Variants in KDM7A observed in about 807,000 individuals in gnomAD.
KDM7A encodes lysine-specific demethylase 7A.
In KDM7A, 28 loss-of-function variants were observed where a neutral mutation model predicts 114.8. That is an observed-to-expected ratio of 0.24 (90% CI 0.18 to 0.33). The LOEUF (loss-of-function observed/expected upper bound fraction) is 0.33, where lower values mean the gene tolerates loss of function less well. Ranked by LOEUF, KDM7A falls within the 10% of genes least tolerant of loss-of-function variation. The pLI, the probability that KDM7A is intolerant of heterozygous loss-of-function variation, is 1.00. For synonymous variants in KDM7A, 423 were observed against 397.8 expected (o/e 1.06, Z -0.75); for missense variants, 942 against 1,142.5 (o/e 0.82, Z 2.53).
intron 1 of KDM7A, among the ~76,000 whole-genome samples, chr7:140,154,499 T>TAAAAAAAAAA: frequency 1.3e-5 from 1 of 74,288 alleles, no homozygotes; most frequent in African/African-American, 4.8e-5. Flanking sequence ...CTCTTAAAAT[T>TAAAAAAAAAA]AAAAAAAAAA....
At chr7:140,174,121 G>A (rs1302164861) in intron 1 of KDM7A, among the ~76,000 whole-genome samples, 5 of 149,666 alleles carry the variant, frequency 3.3e-5, no homozygotes, top group Admixed American at 2.0e-4. Context: ...CAGAGATGGC[G>A]CCACTGCACT....
chr7:140,171,491 T>C lies in KDM7A; in HGVS notation c.194+5253A>G, dbSNP rs549599426. Among the ~76,000 whole-genome samples the C allele has an allele frequency of 2.0e-3, 277 of 136,348 alleles. 2 individuals carry two copies. In the East Asian group the frequency reaches 0.026, roughly 13 times the overall value. The allele number at this position is 136,348 out of a possible 152,430, so 89.4% of individuals were successfully genotyped here. On this transcript the variant is annotated intron_variant, in intron 1 of 19. Coordinates refer to ENST00000397560, the MANE Select transcript of KDM7A (RefSeq NM_030647.2). ...TCAAAAATATATATTTATATTTATA[T>C]TTATATACATATTTTATATATATTT...
intron 9 of KDM7A, among the ~76,000 whole-genome samples, chr7:140,117,338 G>A (rs1021174563): frequency 6.6e-6 from 1 of 152,100 alleles, no homozygotes; most frequent in African/African-American, 2.4e-5. Context: ...TTGCTCCTGT[G>A]GCTTCACGAG....
At chr7:140,157,992 AAATAATAAT>A (rs141893583) in intron 1 of KDM7A, among the ~76,000 whole-genome samples, 6 of 146,442 alleles carry the variant, frequency 4.1e-5, no homozygotes, top group Admixed American at 1.4e-4. Flanking sequence ...ATAAATAAAT[AAATAATAAT>A]AATAATAATA....
chr7:140,145,790 C>A (rs777657791), intron 1 of KDM7A, among the ~76,000 whole-genome samples: 11 of 151,850 alleles, frequency 7.2e-5, no homozygotes, highest in Non-Finnish European at 1.2e-4. Context: ...ACTGTGACAC[C>A]AAAAGAATTA....
intron 1 of KDM7A, among the ~76,000 whole-genome samples, chr7:140,143,408 A>G (rs913246816): frequency 6.6e-6 from 1 of 152,148 alleles, no homozygotes; most frequent in Admixed American, 6.5e-5. Flanking sequence ...ACATGGGTGT[A>G]TATTTTATAA....
chr7:140,106,370 T>G (rs995861579), intron 11 of KDM7A, among the ~76,000 whole-genome samples: 2 of 152,330 alleles, frequency 1.3e-5, no homozygotes, highest in Non-Finnish European at 2.9e-5. Context: ...TTCTTTTAAT[T>G]GTGATGTTAG....
intron 1 of KDM7A, among the ~76,000 whole-genome samples, chr7:140,139,412 G>A (rs1370202006): frequency 6.6e-6 from 1 of 152,144 alleles, no homozygotes; most frequent in African/African-American, 2.4e-5. Context: ...TCCTCTCTTA[G>A]CAGCAGTAGA....
At chr7:140,133,109 T>A (rs559979360) in intron 3 of KDM7A, among the ~76,000 whole-genome samples, 1 of 152,112 alleles carries the variant, frequency 6.6e-6, no homozygotes, top group African/African-American at 2.4e-5. Context: ...TTCTGGTGGA[T>A]GTAGGGCAGA....
chr7:140,128,147 A>C (rs1175545702), intron 4 of KDM7A, among the ~76,000 whole-genome samples: 2 of 152,144 alleles, frequency 1.3e-5, no homozygotes, highest in African/African-American at 4.8e-5. Context: ...GGGAAGCAAA[A>C]ATCAGTTCAC....
chr7:140,126,581 A>G (rs1262234724), intron 6 of KDM7A, 56 bp downstream of exon 6: 1 of 1,127,652 alleles, frequency 8.9e-7, no homozygotes. Context: ...ATACCACTGA[A>G]AAACTAGGGC....
chr7:140,166,302 T>G (rs561360880), intron 1 of KDM7A, among the ~76,000 whole-genome samples: 1 of 150,882 alleles, frequency 6.6e-6, no homozygotes, highest in South Asian at 2.1e-4. Context: ...ATGATAAAAC[T>G]ACGTACATAA....
rs887333038 is a variant in KDM7A, at chr7:140,085,914, C to A, written c.*5180G>T. 1 of 152,142 alleles carries A rather than the reference C, an allele frequency of 6.6e-6. No individual in the cohort carries two copies. The highest frequency in any genetic ancestry group is 1.5e-5 in the Non-Finnish European group (1 of 68,036). 9.4% of individuals were successfully genotyped at this position (152,142 alleles called of 1,614,324 possible). A position where few individuals can be genotyped will look rare whatever the true frequency, so the allele number is the denominator to read the frequency against. On this transcript the variant is annotated 3_prime_UTR_variant, in exon 20 of 20. Coordinates refer to ENST00000397560, the MANE Select transcript of KDM7A (RefSeq NM_030647.2). ...ATTTAATGCTGGTAAGTTTTACCAA[C>A]CAAAATACACCAAAGAAATATGAGA...
chr7:140,100,390 G>T (rs1339886301), intron 12 of KDM7A, among the ~76,000 whole-genome samples: 4 of 151,868 alleles, frequency 2.6e-5, no homozygotes, highest in Non-Finnish European at 2.9e-5. Context: ...CTAGCTACTG[G>T]GCCTTTCCAT....
intron 9 of KDM7A, among the ~76,000 whole-genome samples, chr7:140,115,920 GA>G (rs939465238): frequency 2.9e-5 from 4 of 139,998 alleles, no homozygotes; most frequent in African/African-American, 1.1e-4. Context: ...ATACACATAT[GA>G]AAAAAACTAC....
chr7:140,128,922 A>C lies in KDM7A; in HGVS notation c.559+571T>G, dbSNP rs546001703. Among the ~76,000 whole-genome samples, 10 of 152,348 alleles carry C rather than the reference A, an allele frequency of 6.6e-5. No individual in the cohort carries two copies. In the South Asian group the frequency reaches 1.0e-3, roughly 16 times the overall value. ...GCAAGGGGTATAGGGGATCCCCCTT[A>C]TTTCTCATGTCTTTCTGTTTCTTTG... On this transcript the variant is annotated intron_variant, in intron 4 of 19. Coordinates refer to ENST00000397560, the MANE Select transcript of KDM7A (RefSeq NM_030647.2).
chr7:140,165,993 A>G (rs551086253), intron 1 of KDM7A, among the ~76,000 whole-genome samples: 1 of 152,342 alleles, frequency 6.6e-6, no homozygotes, highest in East Asian at 1.9e-4. Context: ...ACCTTTTACT[A>G]CGGTACACTG....
At chr7:140,129,696 A>G in intron 3 of KDM7A, 43 bp from the exon 4 acceptor site, 1 of 1,358,572 alleles carries the variant, frequency 7.4e-7, no homozygotes, top group Non-Finnish European at 1.0e-6. Flanking sequence ...TTTATTGGTA[A>G]GGTCAGTTTA....
chr7:140,168,930 T>C (rs1794607991), intron 1 of KDM7A, among the ~76,000 whole-genome samples: 1 of 152,226 alleles, frequency 6.6e-6, no homozygotes, highest in South Asian at 2.1e-4. Context: ...TGTGGTGTTA[T>C]ATTAGAATCA....
Sources: gnomAD v4.1 joint callset for allele counts (sites outside exome capture counted in the v4.1 genomes callset) on GRCh38, gnomAD v4.1.1 for gene constraint, MANE v1.5 for transcripts, NCBI Gene and HGNC (gene_info 2026-07-23, HGNC 2026-07-21) for gene names.